EEA1: variants seen among roughly 807,000 people sequenced by gnomAD.
EEA1 encodes the protein early endosome antigen 1, 162kD.
A neutral mutation model predicts 209.2 loss-of-function variants in EEA1; 111 were observed. That is an observed-to-expected ratio of 0.53 (90% CI 0.45 to 0.62). EEA1 has a LOEUF of 0.62. Ranked by LOEUF, EEA1 falls within the 20% of genes least tolerant of loss-of-function variation. The pLI is 0.00. For synonymous variants in EEA1, 536 were observed against 540.6 expected (o/e 0.99, Z 0.12); for missense variants, 1,343 against 1,530.8 (o/e 0.88, Z 2.05).
At position 92,832,945 on chromosome 12, in the gene EEA1, T is replaced by C. The variant is rs73362468; in HGVS notation, c.916-95A>G. The C allele has an allele frequency of 1.9e-5, 16 of 851,566 alleles. No individual in the cohort carries two copies. In the East Asian group the frequency reaches 2.2e-4, roughly 12 times the overall value. The allele number at this position is 851,566 out of a possible 1,614,324, so 52.8% of individuals were successfully genotyped here. ...TTTGGAGCAGTACTGTCTCCTATTA[T>C]ACATTTTAGTCAATATTAAAATATA... On this transcript the variant is annotated intron_variant, in intron 10 of 28. Coordinates refer to ENST00000322349, the MANE Select transcript of EEA1 (RefSeq NM_003566.4).
intron 1 of EEA1, among the ~76,000 whole-genome samples, chr12:92,910,673 C>G (rs1281562047): frequency 1.3e-5 from 2 of 152,134 alleles, no homozygotes; most frequent in Non-Finnish European, 2.9e-5. Context: ...CTTCAAAAGA[C>G]ATTGTCAAGA....
intron 15 of EEA1, among the ~76,000 whole-genome samples, chr12:92,815,608 T>G (rs952595741): frequency 1.3e-5 from 2 of 152,082 alleles, no homozygotes; most frequent in African/African-American, 4.8e-5. Context: ...AAATCAATAG[T>G]AAGAATGGAG....
intron 18 of EEA1, 51 bp downstream of exon 18, chr12:92,808,966 C>T: frequency 6.7e-7 from 1 of 1,495,444 alleles, no homozygotes; most frequent in Non-Finnish European, 9.0e-7. Flanking sequence ...AATTTTAATA[C>T]TTAGTTCACA....
chr12:92,858,977 C>A, intron 3 of EEA1: 1 of 687,584 alleles, frequency 1.5e-6, no homozygotes, highest in Non-Finnish European at 2.7e-6. Flanking sequence ...GCTGCCTATG[C>A]TGCTCATTCA....
intron 9 of EEA1, among the ~76,000 whole-genome samples, chr12:92,844,247 T>C (rs189016598): frequency 6.6e-6 from 1 of 152,316 alleles, no homozygotes; most frequent in Admixed American, 6.5e-5. Flanking sequence ...TTTTAGTGTG[T>C]TCCAGATGGG....
intron 10 of EEA1, among the ~76,000 whole-genome samples, chr12:92,837,196 T>A (rs1244075043): frequency 6.6e-6 from 1 of 152,034 alleles, no homozygotes; most frequent in South Asian, 2.1e-4. Flanking sequence ...TAAGCACTTT[T>A]ATTATTTTAT....
chr12:92,892,738 C>T (rs1220603740), intron 1 of EEA1, among the ~76,000 whole-genome samples: 1 of 152,044 alleles, frequency 6.6e-6, no homozygotes, highest in East Asian at 1.9e-4. Flanking sequence ...CCATGTCCAG[C>T]TAATTTTTTT....
intron 2 of EEA1, among the ~76,000 whole-genome samples, chr12:92,872,537 G>A (rs1878701546): frequency 6.6e-6 from 1 of 152,190 alleles, no homozygotes. Flanking sequence ...GTAATTTTCT[G>A]AGCCAAATAA....
In EEA1 at chr12:92,775,551, T is replaced by A. The variant is rs527308716; in HGVS notation, c.*460A>T. ...AAGTGTTACAGTTCTGTGCATAACT[T>A]CACAAAGAGAATATTTAATATAATT... On this transcript the variant is annotated 3_prime_UTR_variant, in exon 29 of 29. Coordinates refer to ENST00000322349, the MANE Select transcript of EEA1 (RefSeq NM_003566.4). 6.6e-6 allele frequency: 1 copy of A among 152,358 alleles called. No individual in the cohort carries two copies. The highest frequency in any genetic ancestry group is 2.1e-4 in the South Asian group (1 of 4,834). The allele number at this position is 152,358 out of a possible 1,614,324, so 9.4% of individuals were successfully genotyped here.
chr12:92,801,917 C>T (rs563330469), intron 19 of EEA1, among the ~76,000 whole-genome samples: 1 of 151,892 alleles, frequency 6.6e-6, no homozygotes, highest in African/African-American at 2.4e-5. Flanking sequence ...GATCATCAAC[C>T]AAGTCACAAT....
chr12:92,917,670 G>C (rs1483848020), intron 1 of EEA1, among the ~76,000 whole-genome samples: 16 of 149,712 alleles, frequency 1.1e-4, no homozygotes, highest in East Asian at 1.9e-4. Flanking sequence ...TCGAGACTAG[G>C]AAGAAACTGC....
chr12:92,858,706 T>C, intron 3 of EEA1: 1 of 739,770 alleles, frequency 1.4e-6, no homozygotes. Flanking sequence ...TATATCTGTT[T>C]GGCATGATGA....
At chr12:92,786,400 T>C (rs1874134344) in intron 22 of EEA1, among the ~76,000 whole-genome samples, 1 of 152,166 alleles carries the variant, frequency 6.6e-6, no homozygotes, top group Non-Finnish European at 1.5e-5. Flanking sequence ...CTAAATCTTG[T>C]GTGGTATTTT....
intron 1 of EEA1, among the ~76,000 whole-genome samples, chr12:92,900,754 T>G (rs1286382476): frequency 6.6e-6 from 1 of 150,952 alleles, no homozygotes; most frequent in Non-Finnish European, 1.5e-5. Flanking sequence ...CTGCAACCTC[T>G]GCCTCCCAGG....
At chr12:92,820,584 G>A (rs1447668020) in intron 13 of EEA1, among the ~76,000 whole-genome samples, 1 of 151,942 alleles carries the variant, frequency 6.6e-6, no homozygotes, top group African/African-American at 2.4e-5. Flanking sequence ...ATCACACACC[G>A]GAGCCTGTTG....
At chr12:92,911,322 G>A (rs1880575685) in intron 1 of EEA1, among the ~76,000 whole-genome samples, 1 of 152,172 alleles carries the variant, frequency 6.6e-6, no homozygotes, top group Non-Finnish European at 1.5e-5. Flanking sequence ...ATTAAGCCAT[G>A]AAGACAATGA....
At chr12:92,910,003 T>C (rs1880518089) in intron 1 of EEA1, among the ~76,000 whole-genome samples, 1 of 151,606 alleles carries the variant, frequency 6.6e-6, no homozygotes, top group African/African-American at 2.4e-5. Context: ...ATTAGCCAGG[T>C]GTGGTAGCAG....
intron 9 of EEA1, among the ~76,000 whole-genome samples, chr12:92,847,822 C>T (rs956902058): frequency 6.6e-6 from 1 of 152,126 alleles, no homozygotes; most frequent in Non-Finnish European, 1.5e-5. Context: ...GTAAAACATA[C>T]TTAATAGTTA....
chr12:92,925,210 G>A (rs1479470087), intron 1 of EEA1, among the ~76,000 whole-genome samples: 2 of 149,924 alleles, frequency 1.3e-5, no homozygotes, highest in Admixed American at 6.6e-5. Flanking sequence ...ACTAATCACA[G>A]TTTTTTTGTT....
Sources: gnomAD v4.1 joint callset for allele counts (sites outside exome capture counted in the v4.1 genomes callset) on GRCh38, gnomAD v4.1.1 for gene constraint, MANE v1.5 for transcripts, NCBI Gene and HGNC (gene_info 2026-07-23, HGNC 2026-07-21) for gene names.